PPFIBP1: variants seen among roughly 807,000 people sequenced by gnomAD.
The protein encoded by PPFIBP1 is liprin-beta-1.
In PPFIBP1, 112 loss-of-function variants were observed where a neutral mutation model predicts 137.8. The ratio of observed to expected loss-of-function variants is 0.81; its 90% CI spans 0.70 to 0.95. The LOEUF is 0.95. PPFIBP1 is among the 40% of genes least tolerant of loss of function. The probability of loss-of-function intolerance (pLI) is 0.00; values close to 1 mark genes in which losing one functional copy is unlikely to be tolerated. For missense variants in PPFIBP1, 1,083 were observed against 1,196.6 expected (o/e 0.91, Z 1.40); for synonymous variants, 378 against 417.3 (o/e 0.91, Z 1.15).
intron 2 of PPFIBP1, among the ~76,000 whole-genome samples, chr12:27,607,220 G>C (rs2054607979): frequency 6.6e-6 from 1 of 152,196 alleles, no homozygotes; most frequent in African/African-American, 2.4e-5. Flanking sequence ...TGGTATGCTG[G>C]GAGTGGTACA....
At chr12:27,626,039 C>G (rs1242897870) in intron 2 of PPFIBP1, among the ~76,000 whole-genome samples, 1 of 152,074 alleles carries the variant, frequency 6.6e-6, no homozygotes, top group Non-Finnish European at 1.5e-5. Flanking sequence ...CATCCCCTAC[C>G]TTTTCTGGTT....
chr12:27,671,611 G>C, intron 14 of PPFIBP1, 65 bp downstream of exon 14: 1 of 1,043,170 alleles, frequency 9.6e-7, no homozygotes, highest in Non-Finnish European at 1.4e-6. Context: ...AGACAAGGAT[G>C]TATTGCATTT....
At chr12:27,647,913 G>A in intron 6 of PPFIBP1, 71 bp downstream of exon 6, 2 of 1,496,498 alleles carry the variant, frequency 1.3e-6, no homozygotes, top group Non-Finnish European at 1.8e-6. Flanking sequence ...TTTCTATGTT[G>A]TGTTTGCTCT....
At chr12:27,571,939 A>G (rs1013264213) in intron 1 of PPFIBP1, among the ~76,000 whole-genome samples, 1 of 152,192 alleles carries the variant, frequency 6.6e-6, no homozygotes, top group African/African-American at 2.4e-5. Context: ...TTTCAAAAAG[A>G]TAGAACATAT....
chr12:27,624,313 G>A (rs7315025), intron 2 of PPFIBP1, among the ~76,000 whole-genome samples: 150,486 of 152,350 alleles, frequency 0.99, 74,349 homozygotes, highest in Middle Eastern at 1. Flanking sequence ...TAACTCCTCC[G>A]TGTAGTCATA....
chr12:27,537,059 G>T (rs1945101908), intron 1 of PPFIBP1, among the ~76,000 whole-genome samples: 1 of 151,786 alleles, frequency 6.6e-6, no homozygotes, highest in Admixed American at 6.6e-5. Flanking sequence ...AGTATATCTG[G>T]GTTCGCATCC....
intron 2 of PPFIBP1, among the ~76,000 whole-genome samples, chr12:27,616,864 G>A (rs1028436199): frequency 2.0e-5 from 3 of 152,166 alleles, no homozygotes; most frequent in Admixed American, 6.5e-5. Context: ...GAACAGGTTA[G>A]GGGAGAGTTT....
At chr12:27,644,232 A>G (rs113289351) in intron 4 of PPFIBP1, among the ~76,000 whole-genome samples, 1 of 119,850 alleles carries the variant, frequency 8.3e-6, no homozygotes, top group African/African-American at 3.4e-5. Flanking sequence ...GCACACCACC[A>G]AGCTTGGCTA....
At chr12:27,554,767 G>A (rs562443169) in intron 1 of PPFIBP1, among the ~76,000 whole-genome samples, 1 of 152,112 alleles carries the variant, frequency 6.6e-6, no homozygotes, top group South Asian at 2.1e-4. Flanking sequence ...TCCTACATCT[G>A]GAGTCTTGTG....
At chr12:27,589,960 A>T (rs906297930) in intron 2 of PPFIBP1, among the ~76,000 whole-genome samples, 2 of 152,176 alleles carry the variant, frequency 1.3e-5, no homozygotes, top group Non-Finnish European at 2.9e-5. Context: ...CTTGACGTCT[A>T]CTTGATGGCT....
chr12:27,591,808 T>G (rs2052549251), intron 2 of PPFIBP1, among the ~76,000 whole-genome samples: 1 of 152,200 alleles, frequency 6.6e-6, no homozygotes. Context: ...AGGCAACACA[T>G]GCTAGAACCT....
chr12:27,622,756 T>C (rs528587024), intron 2 of PPFIBP1, among the ~76,000 whole-genome samples: 4 of 152,188 alleles, frequency 2.6e-5, no homozygotes, highest in Non-Finnish European at 4.4e-5. Flanking sequence ...CAATCAATAT[T>C]TGTTGCAGGT....
rs1329410863 is a variant in PPFIBP1, at chr12:27,671,427, A to G, written c.1147-4A>G. The G allele has an allele frequency of 2.0e-6, 3 of 1,503,798 alleles. No individual in the cohort carries two copies. Among genetic ancestry groups the G allele is most frequent in the Non-Finnish European group, 2.7e-6 (3 of 1,104,782 alleles). 93.2% of individuals were successfully genotyped at this position (1,503,798 alleles called of 1,614,324 possible). A position where few individuals can be genotyped will look rare whatever the true frequency, so the allele number is the denominator to read the frequency against. ...TTGATTGATTTTTTGTAATTACATT[A>G]CAGTTCCATACTACCATCTTGCAAG... On this transcript the variant is annotated splice_region_variant and splice_polypyrimidine_tract_variant and intron_variant, in intron 13 of 29. Coordinates refer to ENST00000228425, the MANE Select transcript of PPFIBP1 (RefSeq NM_003622.4).
chr12:27,655,370 G>A (rs978581514), intron 8 of PPFIBP1: 3 of 606,134 alleles, frequency 4.9e-6, no homozygotes, highest in Non-Finnish European at 8.6e-6. Flanking sequence ...ATCACCTCAA[G>A]CTGATTGAAG....
rs1311985521 is a variant in PPFIBP1 at position 27,686,271 on chromosome 12, A to C, written c.2248-1114A>C. On this transcript the variant is annotated intron_variant, in intron 24 of 29. Transcript: ENST00000228425. Reference sequence around the variant, plus strand: ...TAGATTACATTTTTTTCTTTCTTTCATGAGAAGTGTTTTATCAGAAAGGTG... The same window carrying C: ...TAGATTACATTTTTTTCTTTCTTTCCTGAGAAGTGTTTTATCAGAAAGGTG... 2.6e-5 allele frequency among the ~76,000 whole-genome samples: 4 copies of C among 152,048 alleles called. 1 individual carries two copies. The South Asian group carries it at 8.3e-4, about 32-fold the overall frequency.
intron 4 of PPFIBP1, among the ~76,000 whole-genome samples, chr12:27,644,341 G>A (rs993037782): frequency 3.4e-5 from 5 of 148,246 alleles, no homozygotes; most frequent in Admixed American, 7.0e-5. Context: ...TCAGCCTCCC[G>A]AAGTGCTGGA....
chr12:27,553,022 T>C (rs1048092271), intron 1 of PPFIBP1, among the ~76,000 whole-genome samples: 1 of 146,368 alleles, frequency 6.8e-6, no homozygotes, highest in Non-Finnish European at 1.5e-5. Context: ...GGTTCTTTGC[T>C]AAACTTGGAT....
At chr12:27,613,743 G>A (rs1255547146) in intron 2 of PPFIBP1, among the ~76,000 whole-genome samples, 3 of 151,532 alleles carry the variant, frequency 2.0e-5, no homozygotes, top group Non-Finnish European at 4.4e-5. Flanking sequence ...TCAGAGACCT[G>A]AAGTGTCAGG....
At chr12:27,615,639 A>C (rs890980690) in intron 2 of PPFIBP1, among the ~76,000 whole-genome samples, 1 of 152,230 alleles carries the variant, frequency 6.6e-6, no homozygotes, top group African/African-American at 2.4e-5. Context: ...GATTACATTT[A>C]TCTGGTTTAA....
Sources: gnomAD v4.1 joint callset for allele counts (sites outside exome capture counted in the v4.1 genomes callset) on GRCh38, gnomAD v4.1.1 for gene constraint, MANE v1.5 for transcripts, NCBI Gene and HGNC (gene_info 2026-07-23, HGNC 2026-07-21) for gene names.